The following CLYBL variants were observed in gnomAD, a reference collection of about 807,000 sequenced individuals.
CLYBL encodes citramalyl-CoA lyase, mitochondrial.
In CLYBL, 31 loss-of-function variants were observed where a neutral mutation model predicts 38.9. That is an observed-to-expected ratio of 0.80 (90% CI 0.60 to 1.08). The LOEUF (loss-of-function observed/expected upper bound fraction) is 1.08. Among genes scored for constraint, CLYBL ranks in the 50% least tolerant of loss-of-function variants. The pLI, the probability that CLYBL is intolerant of heterozygous loss-of-function variation, is 0.00. For missense variants in CLYBL, 434 were observed against 411.6 expected, an observed-to-expected ratio of 1.05 and a Z score of -0.47; for synonymous variants, 171 against 158.6, an observed-to-expected ratio of 1.08 and a Z score of -0.59.
chr13:99,774,570 G>C (rs9513660), intron 2 of CLYBL, among the ~76,000 whole-genome samples: 114,229 of 152,052 alleles, frequency 0.75, 43,275 homozygotes, highest in East Asian at 0.83. Flanking sequence ...AGTTTCTTGC[G>C]CCAGGTGACC....
chr13:99,656,535 A>G (rs1276092166), intron 1 of CLYBL, among the ~76,000 whole-genome samples: 4 of 152,072 alleles, frequency 2.6e-5, no homozygotes, highest in Admixed American at 2.6e-4. Context: ...AAAGCCTCCC[A>G]CCTTGTTAGC....
intron 7 of CLYBL, among the ~76,000 whole-genome samples, chr13:99,878,421 C>G (rs2139288156): frequency 6.6e-6 from 1 of 152,318 alleles, no homozygotes; most frequent in South Asian, 2.1e-4. Context: ...GCAATAGGAG[C>G]TTAAATTTGA....
At chr13:99,651,148 GC>G (rs1480626399) in intron 1 of CLYBL, among the ~76,000 whole-genome samples, 2 of 152,178 alleles carry the variant, frequency 1.3e-5, no homozygotes, top group East Asian at 3.8e-4. Context: ...CAGTAGCTTT[GC>G]CCAATGTGAT....
intron 2 of CLYBL, among the ~76,000 whole-genome samples, chr13:99,817,701 A>G (rs1268593085): frequency 6.6e-6 from 1 of 151,510 alleles, no homozygotes. Flanking sequence ...GCACTGAGCT[A>G]AAGTAAAGAA....
chr13:99,649,201 A>C (rs948684353), intron 1 of CLYBL, among the ~76,000 whole-genome samples: 3 of 152,166 alleles, frequency 2.0e-5, no homozygotes, highest in African/African-American at 4.8e-5. Flanking sequence ...TCTGGGCACT[A>C]AACAGTGGGT....
In CLYBL at chr13:99,871,990, C is replaced by CAAAA. The variant is rs113487766; in HGVS notation, c.927+941_927+944dup. Among the ~76,000 whole-genome samples the CAAAA allele has an allele frequency of 2.4e-3, 282 of 119,398 alleles. 1 individual carries two copies. In the Middle Eastern group the frequency reaches 0.035, roughly 15 times the overall value. 78.3% of individuals were successfully genotyped at this position (119,398 alleles called of 152,430 possible). A position where few individuals can be genotyped will look rare whatever the true frequency, so the allele number is the denominator to read the frequency against. ...TCTGAATATTAAACATTCCCCCCTG[C>CAAAA]AAAAAAAAAAAAAAAAGAAAAAGAA... is the stretch of plus-strand genomic sequence containing the variant. On this transcript the variant is annotated intron_variant, in intron 7 of 8. Transcript: ENST00000339105.
intron 1 of CLYBL, chr13:99,690,626 C>T (rs2139427461): frequency 6.6e-6 from 1 of 152,244 alleles, no homozygotes; most frequent in African/African-American, 2.4e-5. Context: ...GAACAGCTGC[C>T]CTTCCGAGGA....
At chr13:99,624,099 G>C (rs560882173) in intron 1 of CLYBL, among the ~76,000 whole-genome samples, 2 of 150,038 alleles carry the variant, frequency 1.3e-5, no homozygotes, top group South Asian at 4.5e-4. Flanking sequence ...TGGAACAGGG[G>C]TAACCACCTG....
At chr13:99,721,516 TGTGCACAAC>T (rs2048392419) in intron 1 of CLYBL, among the ~76,000 whole-genome samples, 1 of 151,996 alleles carries the variant, frequency 6.6e-6, no homozygotes, top group African/African-American at 2.4e-5. Flanking sequence ...CTAGGGTACA[TGTGCACAAC>T]GTGCAGGTTT....
At chr13:99,704,488 T>TA (rs1310147525) in intron 1 of CLYBL, among the ~76,000 whole-genome samples, 2 of 152,214 alleles carry the variant, frequency 1.3e-5, no homozygotes, top group African/African-American at 4.8e-5. Flanking sequence ...ATTTGGATGC[T>TA]AATTAGGACT....
chr13:99,668,392 C>T (rs924849549), intron 1 of CLYBL, among the ~76,000 whole-genome samples: 1 of 152,140 alleles, frequency 6.6e-6, no homozygotes, highest in Non-Finnish European at 1.5e-5. Context: ...CGAGACCAGC[C>T]TGACCAACAT....
chr13:99,760,384 T>C (rs1433466946), intron 1 of CLYBL, among the ~76,000 whole-genome samples: 2 of 152,252 alleles, frequency 1.3e-5, no homozygotes, highest in African/African-American at 2.4e-5. Context: ...TATTTCTTCA[T>C]GTGGGTCCAA....
intron 1 of CLYBL, among the ~76,000 whole-genome samples, chr13:99,750,224 T>C (rs1009539977): frequency 2.6e-5 from 4 of 152,198 alleles, no homozygotes; most frequent in Admixed American, 6.5e-5. Context: ...GGATTGGAGA[T>C]ACAGCGCTAA....
At chr13:99,619,144 C>T (rs949013240) in intron 1 of CLYBL, among the ~76,000 whole-genome samples, 1 of 152,210 alleles carries the variant, frequency 6.6e-6, no homozygotes, top group African/African-American at 2.4e-5. Context: ...CATGTTGAAA[C>T]TTAATTCCCA....
intron 1 of CLYBL, among the ~76,000 whole-genome samples, chr13:99,770,484 GT>G (rs1395881217): frequency 1.3e-5 from 2 of 151,800 alleles, no homozygotes; most frequent in East Asian, 3.9e-4. Flanking sequence ...CGCCTGGCTA[GT>G]TTTTTGTATT....
intron 1 of CLYBL, among the ~76,000 whole-genome samples, chr13:99,641,898 G>T (rs11839315): frequency 6.6e-6 from 1 of 152,030 alleles, no homozygotes; most frequent in Non-Finnish European, 1.5e-5. Flanking sequence ...ACATTTCTGA[G>T]ATTGGTGCAT....
At chr13:99,867,724 T>C (rs1055306187) in intron 6 of CLYBL, among the ~76,000 whole-genome samples, 1 of 152,094 alleles carries the variant, frequency 6.6e-6, no homozygotes, top group Non-Finnish European at 1.5e-5. Flanking sequence ...ATTTATCTAA[T>C]AGACCCTGAT....
chr13:99,780,284 C>T (rs899948425), intron 2 of CLYBL, among the ~76,000 whole-genome samples: 6 of 152,166 alleles, frequency 3.9e-5, no homozygotes, highest in Non-Finnish European at 7.3e-5. Flanking sequence ...GGCATTTGCT[C>T]AGTGTAACAT....
At chr13:99,723,587 T>C (rs944757072) in intron 1 of CLYBL, among the ~76,000 whole-genome samples, 2 of 152,196 alleles carry the variant, frequency 1.3e-5, no homozygotes, top group African/African-American at 4.8e-5. Flanking sequence ...CCGTAGTTTC[T>C]CTCTGGAAAT....
Sources: gnomAD v4.1 joint callset for allele counts (sites outside exome capture counted in the v4.1 genomes callset) on GRCh38, gnomAD v4.1.1 for gene constraint, MANE v1.5 for transcripts, NCBI Gene and HGNC (gene_info 2026-07-23, HGNC 2026-07-21) for gene names.